Variants in PTPRJ observed in about 807,000 individuals in gnomAD.
PTPRJ encodes protein tyrosine phosphatase receptor type J.
A neutral mutation model predicts 141.3 loss-of-function variants in PTPRJ; 129 were observed. That is an observed-to-expected ratio of 0.91 (90% CI 0.79 to 1.06). PTPRJ has a LOEUF of 1.06. Among genes scored for constraint, PTPRJ ranks in the 50% least tolerant of loss-of-function variants. The pLI is 0.00. For missense variants in PTPRJ, 1,601 were observed against 1,679.7 expected (o/e 0.95, Z 0.82); for synonymous variants, 610 against 640.5 (o/e 0.95, Z 0.72).
chr11:48,008,918 A>G (rs1854698147), intron 1 of PTPRJ, among the ~76,000 whole-genome samples: 1 of 152,228 alleles, frequency 6.6e-6, no homozygotes, highest in South Asian at 2.1e-4. Flanking sequence ...CAGTAAACAA[A>G]TGAATTATTG....
rs999281837 is a variant in PTPRJ at position 48,168,472 on chromosome 11, C to G, written c.*1110C>G. 3 of 145,046 alleles carry G rather than the reference C, an allele frequency of 2.1e-5. No homozygotes were observed. The highest frequency in any genetic ancestry group is 3.0e-5 in the Non-Finnish European group (2 of 66,562). 9.0% of individuals were successfully genotyped at this position (145,046 alleles called of 1,614,324 possible). A position where few individuals can be genotyped will look rare whatever the true frequency, so the allele number is the denominator to read the frequency against. ...TGAATTCAGTGTCAGATTAATCCCT[C>G]CTTCCCCAAAGTCCACTGGCTTTCG... On this transcript the variant is annotated 3_prime_UTR_variant, in exon 25 of 25. Transcript: ENST00000418331.
intron 18 of PTPRJ, among the ~76,000 whole-genome samples, chr11:48,150,482 T>C (rs4752909): frequency 0.98 from 149,605 of 152,348 alleles, 73,521 homozygotes; most frequent in Middle Eastern, 1. Context: ...ATGTCTACCT[T>C]GGACTACTCC....
intron 10 of PTPRJ, among the ~76,000 whole-genome samples, chr11:48,138,266 G>T (rs190490578): frequency 2.3e-3 from 348 of 152,288 alleles, no homozygotes; most frequent in Middle Eastern, 6.8e-3. Flanking sequence ...ATCCCACCTG[G>T]TCTAGACACC....
At chr11:47,988,415 G>A (rs1352401243) in intron 1 of PTPRJ, among the ~76,000 whole-genome samples, 3 of 151,304 alleles carry the variant, frequency 2.0e-5, no homozygotes, top group Non-Finnish European at 4.4e-5. Flanking sequence ...CTTGGATCTC[G>A]GCTCACTGCA....
At chr11:48,047,864 G>A (rs990948393) in intron 1 of PTPRJ, among the ~76,000 whole-genome samples, 4 of 152,138 alleles carry the variant, frequency 2.6e-5, no homozygotes, top group African/African-American at 9.7e-5. Context: ...GGCAGATGCC[G>A]GGTGGTTCTG....
At chr11:48,102,842 T>G (rs1211801246) in intron 1 of PTPRJ, among the ~76,000 whole-genome samples, 3 of 152,002 alleles carry the variant, frequency 2.0e-5, no homozygotes, top group African/African-American at 7.2e-5. Flanking sequence ...TCATACAAGG[T>G]GGAGGAAGGG....
chr11:47,980,958 G>A lies in PTPRJ; in HGVS notation c.46G>A (p.Gly16Arg), dbSNP rs1189712349. 1.7e-6 allele frequency: 2 copies of A among 1,204,552 alleles called. No homozygotes were observed. The highest frequency in any genetic ancestry group is 2.1e-6 in the Non-Finnish European group (2 of 970,654). The allele number at this position is 1,204,552 out of a possible 1,614,324, so 74.6% of individuals were successfully genotyped here. A position where few individuals can be genotyped will look rare whatever the true frequency, so the allele number is the denominator to read the frequency against. The change falls in exon 1 of 25, where the codon GGG (glycine) becomes AGG (arginine). Residue 16 changes from glycine to arginine, a missense_variant. Transcript: ENST00000418331. ...REARLPPRSP[G>R]LRWALPLLLL... ...GGCGCGGCTGCCTCCGCGCTCGCCC[G>A]GGCTGCGCTGGGCGCTGCCGCTGCT...
intron 22 of PTPRJ, among the ~76,000 whole-genome samples, chr11:48,162,224 A>T (rs1857801141): frequency 1.3e-5 from 2 of 152,096 alleles, no homozygotes; most frequent in South Asian, 4.1e-4. Flanking sequence ...AAAATCGAGA[A>T]ATTACAAACA....
At chr11:48,028,112 T>A (rs529528523) in intron 1 of PTPRJ, among the ~76,000 whole-genome samples, 136 of 152,332 alleles carry the variant, frequency 8.9e-4, no homozygotes, top group African/African-American at 3.2e-3. Context: ...TACTGAGCCA[T>A]AAGTGGTCTC....
At chr11:48,000,596 G>A (rs1308512807) in intron 1 of PTPRJ, among the ~76,000 whole-genome samples, 1 of 151,224 alleles carries the variant, frequency 6.6e-6, no homozygotes, top group East Asian at 1.9e-4. Context: ...TCCACCCTCC[G>A]ACCTCATCCT....
chr11:48,169,861 C>T lies in PTPRJ; in HGVS notation c.*2499C>T, dbSNP rs905059453. Reference sequence around the variant, plus strand: ...GGAGGAACTCTTGCGGGGGAGCGGTCTGGGATTCCAAATGGGCAGGTCACA... The same window carrying T: ...GGAGGAACTCTTGCGGGGGAGCGGTTTGGGATTCCAAATGGGCAGGTCACA... On this transcript the variant is annotated 3_prime_UTR_variant, in exon 25 of 25. Coordinates refer to ENST00000418331, the MANE Select transcript of PTPRJ (RefSeq NM_002843.4). 1 of 152,170 alleles carries T rather than the reference C, an allele frequency of 6.6e-6. No individual in the cohort carries two copies. The highest frequency in any genetic ancestry group is 2.1e-4 in the South Asian group (1 of 4,830). The allele number at this position is 152,170 out of a possible 1,614,324, so 9.4% of individuals were successfully genotyped here.
chr11:48,034,947 G>A (rs985820196), intron 1 of PTPRJ, among the ~76,000 whole-genome samples: 3 of 152,222 alleles, frequency 2.0e-5, no homozygotes, highest in East Asian at 1.9e-4. Context: ...TTACAGAGGA[G>A]GAAATGAAGG....
Position 48,144,880 on chromosome 11 carries a change from C to G in PTPRJ, c.2781C>G (p.Ser927=), listed in dbSNP as rs771496198. The change falls in exon 13 of 25, where the codon TCC becomes TCG. Residue 927 remains serine, a synonymous_variant. Coordinates refer to ENST00000418331, the MANE Select transcript of PTPRJ (RefSeq NM_002843.4). ...YYNGKLEPLG[S]YRACVAGFTN... ...ATGGGAAGCTGGAACCTCTGGGCTC[C>G]TACCGGTAATGTCTTCTGGTTCTTA... The G allele has an allele frequency of 1.2e-6, 2 of 1,614,162 alleles. No individual in the cohort carries two copies. Among genetic ancestry groups the G allele is most frequent in the Non-Finnish European group, 1.7e-6 (2 of 1,180,000 alleles).
Position 48,112,983 on chromosome 11 carries a change from G to A in PTPRJ, c.352G>A (p.Gly118Arg), listed in dbSNP as rs1432179158. The A allele has an allele frequency of 1.2e-6, 2 of 1,607,184 alleles. No homozygotes were observed. Among genetic ancestry groups the A allele is most frequent in the Non-Finnish European group, 1.7e-6 (2 of 1,174,114 alleles). The change falls in exon 3 of 25, where the codon GGG becomes AGG. Residue 118 changes from glycine (G) to arginine (R), a missense_variant and splice_region_variant. Coordinates refer to ENST00000418331, the MANE Select transcript of PTPRJ (RefSeq NM_002843.4). ...ATCTCAAAAAACTCCCAGTAGCACTGGTAAGCATAGGCTTTTCTGCCAGTC... is the reference window on the plus strand; with the variant it reads ...ATCTCAAAAAACTCCCAGTAGCACTAGTAAGCATAGGCTTTTCTGCCAGTC... The part of the protein sequence containing the change: ...GASQKTPSST[G>R]PSPVFDIKAV...
chr11:48,068,454 A>G (rs1295259753), intron 1 of PTPRJ, among the ~76,000 whole-genome samples: 1 of 152,192 alleles, frequency 6.6e-6, no homozygotes, highest in Non-Finnish European at 1.5e-5. Flanking sequence ...CCCCTGCACA[A>G]GCCCTCTTGC....
chr11:48,158,430 G>A lies in PTPRJ; in HGVS notation c.3439-1500G>A, dbSNP rs914431357. Reference sequence around the variant, plus strand: ...GTTATTTTTTTTCTGTAACAACCCTGTGAGGTATTATGATTTCATAGATGA... The same window carrying A: ...GTTATTTTTTTTCTGTAACAACCCTATGAGGTATTATGATTTCATAGATGA... On this transcript the variant is annotated intron_variant, in intron 21 of 24. Coordinates refer to ENST00000418331, the MANE Select transcript of PTPRJ (RefSeq NM_002843.4). This position sits in a 1 kb window ranked among gnomAD's most constrained non-coding sequence, Gnocchi z 4.4. Among the ~76,000 whole-genome samples the A allele has an allele frequency of 3.9e-5, 6 of 152,220 alleles. No homozygotes were observed. Among genetic ancestry groups the A allele is most frequent in the Admixed American group, 1.3e-4 (2 of 15,286 alleles).
chr11:48,061,909 G>GTTTT (rs551934826), intron 1 of PTPRJ, among the ~76,000 whole-genome samples: 3 of 134,582 alleles, frequency 2.2e-5, no homozygotes, highest in Admixed American at 7.6e-5. Context: ...CCAACTTATA[G>GTTTT]TTTTTTTTTT....
Position 48,122,667 on chromosome 11 carries a change from G to A in PTPRJ, c.617-946G>A, listed in dbSNP as rs1002450204. On this transcript the variant is annotated intron_variant, in intron 4 of 24. Transcript: ENST00000418331. ...TTCATAACAGCTATCCACAGTCACC[G>A]AGCTGGGAATTTATTGGTTCTGCAT... is the stretch of plus-strand genomic sequence containing the variant. Among the ~76,000 whole-genome samples the A allele has an allele frequency of 2.6e-5, 4 of 152,182 alleles. 1 individual carries two copies. Among genetic ancestry groups the A allele is most frequent in the Non-Finnish European group, 5.9e-5 (4 of 68,044 alleles).
chr11:48,048,890 T>G (rs1590438456), intron 1 of PTPRJ, among the ~76,000 whole-genome samples: 1 of 152,340 alleles, frequency 6.6e-6, no homozygotes, highest in African/African-American at 2.4e-5. Context: ...GATATTTCTG[T>G]TATCCTCATT....
Sources: gnomAD v4.1 joint callset for allele counts (sites outside exome capture counted in the v4.1 genomes callset) on GRCh38, gnomAD v4.1.1 for gene constraint, Gnocchi (gnomAD v3.1) non-coding constraint, MANE v1.5 for transcripts, NCBI Gene and HGNC (gene_info 2026-07-23, HGNC 2026-07-21) for gene names.